Variants in GFPT2 observed in about 807,000 individuals in gnomAD.
The protein encoded by GFPT2 is glutamine--fructose-6-phosphate transaminase 2.
A neutral mutation model predicts 85.6 loss-of-function variants in GFPT2; 62 were observed. The observed-to-expected ratio is 0.72, with a 90% CI of 0.59 to 0.90. The LOEUF is 0.90. Among genes scored for constraint, GFPT2 ranks in the 40% least tolerant of loss-of-function variants. The pLI is 0.00. For missense variants in GFPT2, 788 were observed against 893.4 expected (o/e 0.88, Z 1.50); for synonymous variants, 368 against 344.5 (o/e 1.07, Z -0.75).
chr5:180,344,243 A>T (rs1007333340), intron 1 of GFPT2, among the ~76,000 whole-genome samples: 12 of 152,224 alleles, frequency 7.9e-5, no homozygotes, highest in African/African-American at 1.4e-4. Flanking sequence ...AGCATGGAGC[A>T]TTTCTAGAAG....
At chr5:180,329,170 T>C (rs1342067904) in intron 6 of GFPT2, among the ~76,000 whole-genome samples, 9 of 152,162 alleles carry the variant, frequency 5.9e-5, no homozygotes, top group Admixed American at 5.9e-4. Context: ...CCACAAGAAA[T>C]CCTCCAAGTG....
intron 9 of GFPT2, among the ~76,000 whole-genome samples, chr5:180,319,868 C>T (rs1038872521): frequency 6.6e-6 from 1 of 151,980 alleles, no homozygotes; most frequent in Non-Finnish European, 1.5e-5. Flanking sequence ...TCAGCAAAAC[C>T]CAGACAATGG....
At position 180,324,616 on chromosome 5, in the gene GFPT2, T is replaced by C. The variant is rs959314679; in HGVS notation, c.676+200A>G. The C allele has an allele frequency of 5.0e-6, 3 of 594,992 alleles. No homozygotes were observed. The South Asian group carries it at 6.3e-5, about 12-fold the overall frequency. 36.9% of individuals were successfully genotyped at this position (594,992 alleles called of 1,614,324 possible). On this transcript the variant is annotated intron_variant, in intron 8 of 18. Coordinates refer to ENST00000253778, the MANE Select transcript of GFPT2 (RefSeq NM_005110.4). ...AATATACAAAATCATGATAAATTCATGTCCATGATAAAAAGCTTAAAAAAA... is the reference window on the plus strand; with the variant it reads ...AATATACAAAATCATGATAAATTCACGTCCATGATAAAAAGCTTAAAAAAA...
rs548073317 is a variant in GFPT2, at chr5:180,304,271, G to A, written c.1842+501C>T. ...AGTCATCTCCTGAGTTCTATGGGTC[G>A]TTCTAGAAAATTACTGAACTTCAGG... On this transcript the variant is annotated intron_variant, in intron 17 of 18. Coordinates refer to ENST00000253778, the MANE Select transcript of GFPT2 (RefSeq NM_005110.4). Among the ~76,000 whole-genome samples, 31 of 152,288 alleles carry A rather than the reference G, an allele frequency of 2.0e-4. 1 individual carries two copies. In the South Asian group the frequency reaches 5.0e-3, roughly 24 times the overall value.
rs1411379499 is a variant in GFPT2 at position 180,312,999 on chromosome 5, A to T, written c.1432-455T>A. Among the ~76,000 whole-genome samples, 174 of 151,300 alleles carry T rather than the reference A, an allele frequency of 1.2e-3. 1 individual carries two copies. Among genetic ancestry groups the T allele is most frequent in the Non-Finnish European group, 2.2e-3 (146 of 67,756 alleles). ...ACCGTGTTAGCCAGGATGGTCTCAA[A>T]CCCCTGACCTCAGGTGATCCCCCTG... On this transcript the variant is annotated intron_variant, in intron 14 of 18. Transcript: ENST00000253778.
At chr5:180,305,105 C>G (rs1763749922) in intron 16 of GFPT2, among the ~76,000 whole-genome samples, 166 bp from the exon 17 acceptor site, 1 of 152,078 alleles carries the variant, frequency 6.6e-6, no homozygotes, top group Admixed American at 6.5e-5. Flanking sequence ...TGAGGACACC[C>G]AGCAAGGGCC....
At chr5:180,338,375 G>A (rs1246492464) in intron 2 of GFPT2, 118 bp downstream of exon 2, 1 of 480,982 alleles carries the variant, frequency 2.1e-6, no homozygotes, top group Non-Finnish European at 3.7e-6. Flanking sequence ...ATTGAAAAGA[G>A]ACGTTAAAAA....
chr5:180,331,321 T>G (rs1284530240), intron 5 of GFPT2, 174 bp downstream of exon 5: 3 of 604,406 alleles, frequency 5.0e-6, no homozygotes, highest in Non-Finnish European at 8.8e-6. Context: ...TCAAACGAGA[T>G]CTGCAGGGCC....
chr5:180,307,335 C>A, intron 15 of GFPT2, 32 bp from the exon 16 acceptor site: 1 of 1,611,620 alleles, frequency 6.2e-7, no homozygotes. Flanking sequence ...GGGAGAAAAC[C>A]AGTCAGGCCG....
intron 15 of GFPT2, among the ~76,000 whole-genome samples, chr5:180,311,837 G>T (rs1311168161): frequency 6.6e-6 from 1 of 152,172 alleles, no homozygotes; most frequent in African/African-American, 2.4e-5. Context: ...CATTTGAGCT[G>T]AGGTTTGGGA....
At chr5:180,342,579 G>T (rs1367927428) in intron 1 of GFPT2, among the ~76,000 whole-genome samples, 1 of 151,528 alleles carries the variant, frequency 6.6e-6, no homozygotes. Flanking sequence ...CCCAGCCTAG[G>T]TGAAACTTTT....
At position 180,316,219 on chromosome 5, in the gene GFPT2, G is replaced by A. The variant is rs958496964; in HGVS notation, c.1273+122C>T. The A allele has an allele frequency of 1.1e-4, 106 of 954,360 alleles. 1 individual carries two copies. In the East Asian group the frequency reaches 2.2e-3, roughly 20 times the overall value. The allele number at this position is 954,360 out of a possible 1,614,324, so 59.1% of individuals were successfully genotyped here. On this transcript the variant is annotated intron_variant, in intron 13 of 18. Coordinates refer to ENST00000253778, the MANE Select transcript of GFPT2 (RefSeq NM_005110.4). ...CCATGGCTCTACGGGTTAAATGACC[G>A]CTGCAAGAGAGGGTTCGCAGCACAG...
At chr5:180,306,302 G>T (rs1162463250) in intron 16 of GFPT2, among the ~76,000 whole-genome samples, 2 of 152,178 alleles carry the variant, frequency 1.3e-5, no homozygotes, top group African/African-American at 2.4e-5. Context: ...TCTTTCAAAT[G>T]GGGGTGGTGG....
chr5:180,301,882 G>A (rs1281969048), intron 18 of GFPT2, among the ~76,000 whole-genome samples: 1 of 151,736 alleles, frequency 6.6e-6, no homozygotes, highest in East Asian at 1.9e-4. Context: ...TTAAACACAG[G>A]TAACTTGGTG....
At chr5:180,329,193 G>C (rs1764263005) in intron 6 of GFPT2, among the ~76,000 whole-genome samples, 1 of 152,162 alleles carries the variant, frequency 6.6e-6, no homozygotes, top group African/African-American at 2.4e-5. Context: ...GAAGCCACGG[G>C]CAGCCCCAGG....
intron 12 of GFPT2, 149 bp from the exon 13 acceptor site, chr5:180,316,610 G>T: frequency 1.1e-6 from 1 of 946,100 alleles, no homozygotes; most frequent in Non-Finnish European, 1.6e-6. Flanking sequence ...CCACCTCGAA[G>T]ATAAAAGGGC....
intron 1 of GFPT2, among the ~76,000 whole-genome samples, chr5:180,346,611 T>A (rs548134885): frequency 6.6e-6 from 1 of 152,358 alleles, no homozygotes; most frequent in Non-Finnish European, 1.5e-5. Flanking sequence ...CATGCCACCC[T>A]GCAGCTTCCG....
At chr5:180,305,344 C>A (rs1256517533) in intron 16 of GFPT2, among the ~76,000 whole-genome samples, 2 of 152,228 alleles carry the variant, frequency 1.3e-5, no homozygotes, top group Admixed American at 6.5e-5. Flanking sequence ...AGTTAATTAT[C>A]TGATTAAGCA....
chr5:180,316,145 G>C (rs1224280684), intron 13 of GFPT2, among the ~76,000 whole-genome samples, 196 bp downstream of exon 13: 1 of 152,198 alleles, frequency 6.6e-6, no homozygotes, highest in African/African-American at 2.4e-5. Context: ...CCCCCTGACT[G>C]CATGGCCTTA....
Sources: allele counts gnomAD v4.1 joint callset (sites outside exome capture counted in the v4.1 genomes callset), GRCh38; gene constraint gnomAD v4.1.1; transcripts MANE v1.5; gene names NCBI Gene and HGNC (gene_info 2026-07-23, HGNC 2026-07-21).